MS4A15: variants seen among roughly 807,000 people sequenced by gnomAD.
MS4A15 encodes the protein membrane spanning 4-domains A15, also known as membrane-spanning 4-domains subfamily A member 15.
Under a neutral mutation model 20.6 loss-of-function variants are expected in MS4A15, and 22 were observed. The ratio of observed to expected loss-of-function variants is 1.07; its 90% CI spans 0.76 to 1.52. The LOEUF (loss-of-function observed/expected upper bound fraction) is 1.52, where lower values mean the gene tolerates loss of function less well. Ranked by LOEUF, MS4A15 falls within the 40% of genes most tolerant of loss-of-function variation. The probability of loss-of-function intolerance (pLI) is 0.00; values close to 1 mark genes in which losing one functional copy is unlikely to be tolerated. For synonymous variants in MS4A15, 129 were observed against 129.3 expected (o/e 1.00, Z 0.02); for missense variants, 312 against 323.0 (o/e 0.97, Z 0.26).
At chr11:60,759,898 A>AC (rs1299464121) in intron 1 of MS4A15, among the ~76,000 whole-genome samples, 1 of 151,072 alleles carries the variant, frequency 6.6e-6, no homozygotes, top group Non-Finnish European at 1.5e-5. Context: ...CTTCTGCCGC[A>AC]CCCCCCATGC....
At position 60,759,113 on chromosome 11, in the gene MS4A15, G is replaced by A. The variant is rs371546207; in HGVS notation, c.-29+2055G>A. Among the ~76,000 whole-genome samples, 7 of 152,274 alleles carry A rather than the reference G, an allele frequency of 4.6e-5. No individual in the cohort carries two copies. The East Asian group carries it at 9.6e-4, about 21-fold the overall frequency. ...AGCTCCTCTGTGACCATCATTGTGG[G>A]GAAAAGAAAGAGAGATCAGACTGTT... is the stretch of plus-strand genomic sequence containing the variant. On this transcript the variant is annotated intron_variant, in intron 1 of 6. Coordinates refer to ENST00000405633, the MANE Select transcript of MS4A15 (RefSeq NM_001098835.2).
At chr11:60,766,473 T>G (rs879390054) in intron 2 of MS4A15, among the ~76,000 whole-genome samples, 1 of 152,214 alleles carries the variant, frequency 6.6e-6, no homozygotes, top group Admixed American at 6.5e-5. Context: ...GTGCTTAGCA[T>G]AGACAGGCAT....
intron 1 of MS4A15, among the ~76,000 whole-genome samples, chr11:60,757,674 A>T (rs1370530671): frequency 6.6e-6 from 1 of 152,162 alleles, no homozygotes; most frequent in Non-Finnish European, 1.5e-5. Flanking sequence ...GGCCCCGTTC[A>T]GGCAATGGCG....
Position 60,763,879 on chromosome 11 carries a change from C to T in MS4A15, c.146C>T (p.Ala49Val), listed in dbSNP as rs771832718. 1 of 1,613,022 alleles carries T rather than the reference C, an allele frequency of 6.2e-7. No individual in the cohort carries two copies. Among genetic ancestry groups the T allele is most frequent in the Non-Finnish European group, 8.5e-7 (1 of 1,179,878 alleles). ...CAGTTTGAGGAGCCACCGCTGGGGG[C>T]ACAGACACCAAGGGCCACACAGCCA... is the stretch of plus-strand genomic sequence containing the variant. Reference protein sequence around the residue: ...IMQFEEPPLGAQTPRATQPPD... With the variant: ...IMQFEEPPLGVQTPRATQPPD... The change falls in exon 2 of 7, where the codon GCA becomes GTA. Residue 49 changes from alanine (A) to valine (V), a missense_variant. Ala to Val is a moderately conservative substitution (Grantham distance 64, BLOSUM62 0). Transcript: ENST00000405633.
chr11:60,760,390 C>A (rs113993467), intron 1 of MS4A15, among the ~76,000 whole-genome samples: 146 of 152,322 alleles, frequency 9.6e-4, no homozygotes, highest in African/African-American at 3.4e-3. Context: ...GGACTTGGTG[C>A]CAACCCACGA....
chr11:60,759,392 G>A (rs555316345), intron 1 of MS4A15, among the ~76,000 whole-genome samples: 1 of 152,350 alleles, frequency 6.6e-6, no homozygotes, highest in East Asian at 1.9e-4. Flanking sequence ...CCAGGGACAC[G>A]ATGCACTGCG....
In MS4A15 at chr11:60,775,760, TG is replaced by T; in HGVS notation, c.*48del. On this transcript the variant is annotated 3_prime_UTR_variant, in exon 7 of 7. Coordinates refer to ENST00000405633, the MANE Select transcript of MS4A15 (RefSeq NM_001098835.2). ...CGGGTGGAGTCCAGCCTTTTCCCTC[TG>T]GGCCCAGCCTCTCCCCACCCCCACC... The T allele has an allele frequency of 6.6e-7, 1 of 1,517,316 alleles. No homozygotes were observed. The highest frequency in any genetic ancestry group is 9.1e-7 in the Non-Finnish European group (1 of 1,103,024). 94.0% of individuals were successfully genotyped at this position (1,517,316 alleles called of 1,614,324 possible). A position where few individuals can be genotyped will look rare whatever the true frequency, so the allele number is the denominator to read the frequency against.
intron 1 of MS4A15, among the ~76,000 whole-genome samples, chr11:60,758,333 T>G (rs1853642979): frequency 6.6e-6 from 1 of 152,140 alleles, no homozygotes; most frequent in Non-Finnish European, 1.5e-5. Context: ...GAAACATACA[T>G]TAAATTTATC....
Position 60,763,774 on chromosome 11 carries a change from T to C in MS4A15, c.41T>C (p.Ile14Thr), listed in dbSNP as rs1274256433. The C allele has an allele frequency of 1.2e-5, 20 of 1,612,158 alleles. No homozygotes were observed. Among genetic ancestry groups the C allele is most frequent in the Non-Finnish European group, 1.7e-5 (20 of 1,179,906 alleles). The stretch of plus-strand genomic sequence containing the variant: ...GCCAGCAATGGAGTGTTTGTTGTCA[T>C]CCCGCCAAACAACGCCAGTGGCCTC... ...APASNGVFVV[I>T]PPNNASGLCP... Residue 14 changes from isoleucine (I) to threonine (T), a missense_variant, in exon 2 of 7, where the codon ATC becomes ACC. Transcript: ENST00000405633.
intron 1 of MS4A15, among the ~76,000 whole-genome samples, chr11:60,761,630 A>G (rs982901279): frequency 1.3e-5 from 2 of 152,238 alleles, no homozygotes; most frequent in Non-Finnish European, 2.9e-5. Context: ...TTCAGGACCA[A>G]TATTACAACT....
intron 4 of MS4A15, 64 bp downstream of exon 4, chr11:60,771,411 G>T: frequency 6.2e-7 from 1 of 1,603,318 alleles, no homozygotes; most frequent in Non-Finnish European, 8.5e-7. Flanking sequence ...ACTCTACCCT[G>T]CCCCTCCCAT....
At chr11:60,767,401 GAAC>G (rs1227229891) in intron 2 of MS4A15, 129 bp from the exon 3 acceptor site, 12 of 1,168,984 alleles carry the variant, frequency 1.0e-5, no homozygotes, top group Non-Finnish European at 1.4e-5. Context: ...CGCCTCTAAA[GAAC>G]AGAATCTGAG....
chr11:60,760,459 G>T (rs926308953), intron 1 of MS4A15, among the ~76,000 whole-genome samples: 4 of 152,126 alleles, frequency 2.6e-5, no homozygotes, highest in African/African-American at 4.8e-5. Flanking sequence ...CCCTTTGGAC[G>T]TTTTAAATCT....
At chr11:60,763,519 C>T (rs1382296232) in intron 1 of MS4A15, among the ~76,000 whole-genome samples, 187 bp from the exon 2 acceptor site, 1 of 152,194 alleles carries the variant, frequency 6.6e-6, no homozygotes. Context: ...AGTCTTACCC[C>T]ACCTACAGGC....
At chr11:60,771,813 G>A (rs1376138932) in intron 4 of MS4A15, 1 of 1,191,028 alleles carries the variant, frequency 8.4e-7, no homozygotes, top group Non-Finnish European at 1.1e-6. Context: ...CCCATGATGG[G>A]GCTGGATTGT....
chr11:60,773,249 C>T (rs1854086733), intron 4 of MS4A15, 143 bp from the exon 5 acceptor site: 6 of 606,350 alleles, frequency 9.9e-6, no homozygotes, highest in Admixed American at 2.9e-5. Flanking sequence ...AATGAGAACA[C>T]AGCTGTGTGC....
At chr11:60,765,047 C>T (rs1853849336) in intron 2 of MS4A15, among the ~76,000 whole-genome samples, 1 of 152,184 alleles carries the variant, frequency 6.6e-6, no homozygotes, top group African/African-American at 2.4e-5. Context: ...GAGCAGTAAG[C>T]TCTTATAGGC....
At chr11:60,764,090 AC>A in intron 2 of MS4A15, 132 bp downstream of exon 2, 1 of 813,368 alleles carries the variant, frequency 1.2e-6, no homozygotes, top group Non-Finnish European at 1.9e-6. Context: ...TCAGCCATGC[AC>A]CAGGTAGACA....
intron 1 of MS4A15, among the ~76,000 whole-genome samples, 166 bp downstream of exon 1, chr11:60,757,224 A>G (rs183832434): frequency 5.8e-4 from 88 of 152,380 alleles, no homozygotes; most frequent in African/African-American, 1.9e-3. Context: ...CTGGAGCTCT[A>G]CACAACGCTA....
Sources: allele counts gnomAD v4.1 joint callset (sites outside exome capture counted in the v4.1 genomes callset), GRCh38; gene constraint gnomAD v4.1.1; transcripts MANE v1.5; gene names NCBI Gene and HGNC (gene_info 2026-07-23, HGNC 2026-07-21).